The following CA13 variants were observed in gnomAD, a reference collection of about 807,000 sequenced individuals.
The protein encoded by CA13 is carbonic anhydrase 13, also known as CA-XIII.
A neutral mutation model predicts 31.5 loss-of-function variants in CA13; 21 were observed. The observed-to-expected ratio is 0.67, with a 90% CI of 0.47 to 0.96. The LOEUF is 0.96. CA13 is among the 40% of genes least tolerant of loss of function. The pLI, the probability that CA13 is intolerant of heterozygous loss-of-function variation, is 0.00. For missense variants in CA13, 315 were observed against 318.9 expected (o/e 0.99, Z 0.09); for synonymous variants, 117 against 111.4 (o/e 1.05, Z -0.32).
chr8:85,279,819 C>G (rs1025901059), intron 6 of CA13, among the ~76,000 whole-genome samples: 3 of 152,164 alleles, frequency 2.0e-5, no homozygotes, highest in African/African-American at 7.2e-5. Context: ...GGTATCTTTC[C>G]TATGGTCTCA....
chr8:85,267,277 T>G lies in CA13; in HGVS notation c.450+574T>G, dbSNP rs16913707. On this transcript the variant is annotated intron_variant, in intron 4 of 6. Coordinates refer to ENST00000321764, the MANE Select transcript of CA13 (RefSeq NM_198584.3). ...GTTGTAACTCATGAACAGAGAATGC[T>G]TCACGGATGGCAACAATTCCTTGCC... is the stretch of plus-strand genomic sequence containing the variant. 1.9e-3 allele frequency: 1,896 copies of G among 986,000 alleles called. 25 individuals carry two copies. The African/African-American group carries it at 0.024, about 12-fold the overall frequency. The allele number at this position is 986,000 out of a possible 1,614,324, so 61.1% of individuals were successfully genotyped here. A position where few individuals can be genotyped will look rare whatever the true frequency, so the allele number is the denominator to read the frequency against.
chr8:85,268,707 T>A, intron 6 of CA13, 80 bp downstream of exon 6: 1 of 1,204,746 alleles, frequency 8.3e-7, no homozygotes, highest in Non-Finnish European at 1.2e-6. Context: ...ACCCTGCCCT[T>A]AATTTCTACT....
At chr8:85,281,126 G>A in intron 6 of CA13, 104 bp from the exon 7 acceptor site, 2 of 1,354,534 alleles carry the variant, frequency 1.5e-6, no homozygotes, top group Non-Finnish European at 2.0e-6. Context: ...TTTCATTGCA[G>A]TATTTTTTGT....
intron 1 of CA13, among the ~76,000 whole-genome samples, chr8:85,246,898 C>T (rs1165845927): frequency 1.3e-5 from 2 of 152,122 alleles, no homozygotes; most frequent in East Asian, 1.9e-4. Flanking sequence ...TAATGCTTTC[C>T]TTCTATTAGC....
At chr8:85,269,433 T>C (rs766722013) in intron 6 of CA13, among the ~76,000 whole-genome samples, 8 of 152,246 alleles carry the variant, frequency 5.3e-5, no homozygotes, top group Non-Finnish European at 7.4e-5. Context: ...AGCAAGACTT[T>C]GTCTCAAAAA....
chr8:85,268,478 C>T lies in CA13; in HGVS notation c.520C>T (p.Gln174Ter), dbSNP rs1216020272. The change falls in exon 6 of 7, where the codon CAA becomes TAA. Residue 174 changes from glutamine (Q) to a stop codon, truncating the protein, a stop_gained. Coordinates refer to ENST00000321764, the MANE Select transcript of CA13 (RefSeq NM_198584.3). LOFTEE classifies it high-confidence loss of function. ...ATTCTTTTTGATCCTCCAGGGTAAACAAACTCGATTCACAAATTTTGACCT... is the reference window on the plus strand; with the variant it reads ...ATTCTTTTTGATCCTCCAGGGTAAATAAACTCGATTCACAAATTTTGACCT... ...TLDSIKEKGK[Q>*]TRFTNFDLLS... 2 of 1,614,004 alleles carry T rather than the reference C, an allele frequency of 1.2e-6. No individual in the cohort carries two copies. Among genetic ancestry groups the T allele is most frequent in the East Asian group, 2.2e-5 (1 of 44,858 alleles).
chr8:85,247,179 C>A (rs532698049), intron 1 of CA13, among the ~76,000 whole-genome samples: 2 of 152,120 alleles, frequency 1.3e-5, no homozygotes, highest in South Asian at 4.2e-4. Flanking sequence ...TATGACAAAT[C>A]TTTTTTCATT....
chr8:85,252,706 T>G (rs923996556), intron 2 of CA13, among the ~76,000 whole-genome samples: 4 of 152,176 alleles, frequency 2.6e-5, no homozygotes, highest in African/African-American at 9.7e-5. Flanking sequence ...TCTGACAGAT[T>G]GTTTTTATTT....
intron 6 of CA13, among the ~76,000 whole-genome samples, chr8:85,270,404 G>C (rs886415558): frequency 1.3e-5 from 2 of 152,132 alleles, no homozygotes; most frequent in African/African-American, 4.8e-5. Context: ...TAATAACCTA[G>C]TGTATACTTT....
At position 85,245,687 on chromosome 8, in the gene CA13, C is replaced by A; in HGVS notation, c.-142C>A. The stretch of plus-strand genomic sequence containing the variant: ...CTGGAGGACGCAGGCGGGAGCGCCC[C>A]GGACCGGGTTCACGGTCTCGCACTC... On this transcript the variant is annotated 5_prime_UTR_variant, in exon 1 of 7. Coordinates refer to ENST00000321764, the MANE Select transcript of CA13 (RefSeq NM_198584.3). The A allele has an allele frequency of 1.1e-6, 1 of 936,036 alleles. No homozygotes were observed. 58.0% of individuals were successfully genotyped at this position (936,036 alleles called of 1,614,324 possible).
Position 85,268,472 on chromosome 8 carries a change from G to C in CA13, c.514G>C (p.Gly172Arg), listed in dbSNP as rs377312451. The C allele has an allele frequency of 4.3e-5, 69 of 1,613,840 alleles. No homozygotes were observed. Among genetic ancestry groups the C allele is most frequent in the Non-Finnish European group, 5.8e-5 (68 of 1,179,870 alleles). The change falls in exon 6 of 7, where the codon GGT becomes CGT. Residue 172 changes from glycine (G) to arginine (R), a missense_variant and splice_region_variant. Transcript: ENST00000321764. ...TDTLDSIKEKGKQTRFTNFDL... is the reference protein window; with the variant it reads ...TDTLDSIKEKRKQTRFTNFDL... ...GTGGGAATTCTTTTTGATCCTCCAGGGTAAACAAACTCGATTCACAAATTT... is the reference window on the plus strand; with the variant it reads ...GTGGGAATTCTTTTTGATCCTCCAGCGTAAACAAACTCGATTCACAAATTT...
intron 6 of CA13, among the ~76,000 whole-genome samples, chr8:85,271,709 G>A (rs1240311681): frequency 6.6e-6 from 1 of 152,170 alleles, no homozygotes; most frequent in Admixed American, 6.6e-5. Context: ...TGAAACTCAT[G>A]AATTTTAAGT....
chr8:85,254,651 C>G (rs777329225), intron 2 of CA13, among the ~76,000 whole-genome samples: 2 of 151,848 alleles, frequency 1.3e-5, no homozygotes, highest in Non-Finnish European at 1.5e-5. Context: ...GAAACAGTAG[C>G]TATGTAAATA....
chr8:85,278,708 A>T (rs1807655701), intron 6 of CA13, among the ~76,000 whole-genome samples: 1 of 152,192 alleles, frequency 6.6e-6, no homozygotes. Context: ...TAGGTCATGG[A>T]TGCCTGGTGA....
At chr8:85,260,985 C>T (rs972897470) in intron 3 of CA13, among the ~76,000 whole-genome samples, 4 of 152,092 alleles carry the variant, frequency 2.6e-5, no homozygotes, top group African/African-American at 9.7e-5. Flanking sequence ...TGCCAGCTGG[C>T]AAGTAGTTTC....
chr8:85,252,752 A>C (rs1807214286), intron 2 of CA13, among the ~76,000 whole-genome samples: 1 of 152,150 alleles, frequency 6.6e-6, no homozygotes, highest in Admixed American at 6.5e-5. Context: ...TATTTGCTCT[A>C]TTAATGAAAA....
chr8:85,277,301 G>A (rs1477519652), intron 6 of CA13, among the ~76,000 whole-genome samples: 3 of 152,036 alleles, frequency 2.0e-5, no homozygotes, highest in Non-Finnish European at 2.9e-5. Flanking sequence ...GCGAGACCAC[G>A]AACCCACCGG....
chr8:85,248,201 T>C (rs1487324441), intron 1 of CA13, among the ~76,000 whole-genome samples: 1 of 152,148 alleles, frequency 6.6e-6, no homozygotes, highest in East Asian at 1.9e-4. Context: ...CTCATGCCTG[T>C]AATCCCAGCA....
At chr8:85,258,672 A>C (rs1384108989) in intron 2 of CA13, among the ~76,000 whole-genome samples, 1 of 141,574 alleles carries the variant, frequency 7.1e-6, no homozygotes, top group Non-Finnish European at 1.5e-5. Flanking sequence ...GTGGTAGCTC[A>C]TGCCTGTAAT....
Sources: allele counts gnomAD v4.1 joint callset (sites outside exome capture counted in the v4.1 genomes callset), GRCh38; gene constraint gnomAD v4.1.1; transcripts MANE v1.5; gene names NCBI Gene and HGNC (gene_info 2026-07-23, HGNC 2026-07-21).